CDH12: variants seen among roughly 807,000 people sequenced by gnomAD.
CDH12 encodes cadherin-12.
CDH12 carries 41 observed loss-of-function variants against 74.1 expected under a neutral mutation model. That is an observed-to-expected ratio of 0.55 (90% CI 0.43 to 0.72). The LOEUF is 0.72. Ranked by LOEUF, CDH12 falls within the 30% of genes least tolerant of loss-of-function variation. The probability of loss-of-function intolerance (pLI) is 0.00; values close to 1 mark genes in which losing one functional copy is unlikely to be tolerated. For synonymous variants in CDH12, 399 were observed against 355.0 expected (o/e 1.12, Z -1.39); for missense variants, 945 against 977.2 (o/e 0.97, Z 0.44).
Position 22,259,731 on chromosome 5 carries a change from C to T in CDH12, c.-332-47088G>A, listed in dbSNP as rs554431009. 1.7e-4 allele frequency among the ~76,000 whole-genome samples: 25 copies of T among 145,708 alleles called. 1 individual carries two copies. In the South Asian group the frequency reaches 4.1e-3, roughly 24 times the overall value. ...GAGGTAATTTAAGATATGCAAAGGA[C>T]TTTTTTTTTTTACTAGCACCAATAT... is the stretch of plus-strand genomic sequence containing the variant. On this transcript the variant is annotated intron_variant, in intron 3 of 14. Transcript: ENST00000382254.
intron 2 of CDH12, among the ~76,000 whole-genome samples, chr5:22,450,695 T>C (rs1745006735): frequency 6.6e-6 from 1 of 151,872 alleles, no homozygotes. Flanking sequence ...ACATTCAATG[T>C]TGTCTTTCCT....
intron 3 of CDH12, among the ~76,000 whole-genome samples, chr5:22,356,604 C>T: frequency 6.6e-6 from 1 of 152,032 alleles, no homozygotes; most frequent in South Asian, 2.1e-4. Context: ...CTGATGTATA[C>T]ATATGGAAGA....
intron 7 of CDH12, among the ~76,000 whole-genome samples, chr5:21,853,908 CGTT>C (rs1159502173): frequency 6.6e-6 from 1 of 151,532 alleles, no homozygotes; most frequent in Non-Finnish European, 1.5e-5. Flanking sequence ...AAATAACCAT[CGTT>C]GTGGGGTTTC....
intron 2 of CDH12, among the ~76,000 whole-genome samples, chr5:22,463,077 C>T (rs1745584158): frequency 6.6e-6 from 1 of 152,194 alleles, no homozygotes; most frequent in African/African-American, 2.4e-5. Context: ...CTATTAGGAA[C>T]ATATAATCAA....
intron 1 of CDH12, among the ~76,000 whole-genome samples, chr5:22,808,969 C>T (rs543060831): frequency 1.3e-5 from 2 of 151,534 alleles, no homozygotes; most frequent in South Asian, 2.1e-4. Flanking sequence ...GGTTGAGGGG[C>T]ATATGCAATG....
At chr5:22,048,581 A>G (rs950821944) in intron 5 of CDH12, among the ~76,000 whole-genome samples, 3 of 152,148 alleles carry the variant, frequency 2.0e-5, no homozygotes, top group Admixed American at 2.0e-4. Flanking sequence ...GACACAGGAT[A>G]ATGCATTCAA....
At chr5:22,286,098 C>A (rs1047852145) in intron 3 of CDH12, among the ~76,000 whole-genome samples, 1 of 152,042 alleles carries the variant, frequency 6.6e-6, no homozygotes, top group African/African-American at 2.4e-5. Flanking sequence ...TAACTTATTT[C>A]TTATTGCCTC....
chr5:21,799,835 TGA>T lies in CDH12; in HGVS notation c.1256+2330_1256+2331del, dbSNP rs1377234012. Among the ~76,000 whole-genome samples the T allele has an allele frequency of 6.6e-5, 10 of 152,258 alleles. No individual in the cohort carries two copies. The East Asian group carries it at 1.9e-3, about 30-fold the overall frequency. Reference sequence around the variant, plus strand: ...GGGGTAGGGTCGCTCAGTGGAGCCCTGAGAGTGTGACCACTGCACATGAGTGA... The same window carrying T: ...GGGGTAGGGTCGCTCAGTGGAGCCCTGAGTGTGACCACTGCACATGAGTGA... On this transcript the variant is annotated intron_variant, in intron 10 of 14. Transcript: ENST00000382254.
At chr5:22,698,681 A>T (rs1345635363) in intron 1 of CDH12, among the ~76,000 whole-genome samples, 1 of 6,210 alleles carries the variant, frequency 1.6e-4, no homozygotes, top group Non-Finnish European at 3.0e-4. Flanking sequence ...CCCCAGATAT[A>T]TATATATATA....
chr5:22,821,901 C>T (rs1278093549), intron 1 of CDH12, among the ~76,000 whole-genome samples: 1 of 151,176 alleles, frequency 6.6e-6, no homozygotes, highest in Non-Finnish European at 1.5e-5. Context: ...CATATGGAAC[C>T]AAAAAAGAGC....
chr5:21,846,213 A>G (rs1303853422), intron 7 of CDH12, among the ~76,000 whole-genome samples: 2 of 152,132 alleles, frequency 1.3e-5, no homozygotes, highest in African/African-American at 4.8e-5. Context: ...TGGTCTGACC[A>G]ATCTTTTGTG....
chr5:21,878,756 GAAGAAAAGAAAGA>G (rs1291221460), intron 6 of CDH12, among the ~76,000 whole-genome samples: 3 of 125,186 alleles, frequency 2.4e-5, no homozygotes, highest in Non-Finnish European at 3.4e-5. Context: ...CCTGTTGAAA[GAAGAAAAGAAAGA>G]AAGAAAAGAA....
At chr5:22,228,313 A>T (rs980889446) in intron 3 of CDH12, among the ~76,000 whole-genome samples, 2 of 152,168 alleles carry the variant, frequency 1.3e-5, no homozygotes, top group Admixed American at 1.3e-4. Flanking sequence ...CCGTAGCAGC[A>T]TATGGTATGT....
rs1185130693 is a variant in CDH12, at chr5:22,521,507, T to C, written c.-522-16143A>G. Among the ~76,000 whole-genome samples the C allele has an allele frequency of 2.6e-5, 4 of 152,258 alleles. No homozygotes were observed. In the East Asian group the frequency reaches 7.7e-4, roughly 29 times the overall value. Reference sequence around the variant, plus strand: ...ACTTCCAGATAAGTAAAAAACCTAATCTACATATTCTATACCATGCTAAAA... The same window carrying C: ...ACTTCCAGATAAGTAAAAAACCTAACCTACATATTCTATACCATGCTAAAA... On this transcript the variant is annotated intron_variant, in intron 1 of 14. Coordinates refer to ENST00000382254, the MANE Select transcript of CDH12 (RefSeq NM_004061.5).
intron 7 of CDH12, among the ~76,000 whole-genome samples, chr5:21,843,949 A>G (rs1401643724): frequency 1.3e-5 from 2 of 152,138 alleles, no homozygotes; most frequent in South Asian, 2.1e-4. Context: ...TTCATTTTCA[A>G]TAAGAAAATT....
intron 4 of CDH12, among the ~76,000 whole-genome samples, chr5:22,153,903 T>C (rs188689956): frequency 0.091 from 10,102 of 110,536 alleles, 747 homozygotes; most frequent in African/African-American, 0.2. Flanking sequence ...TATATATATA[T>C]ACACACACAT....
chr5:22,703,049 C>A (rs1742802605), intron 1 of CDH12, among the ~76,000 whole-genome samples: 2 of 152,124 alleles, frequency 1.3e-5, no homozygotes, highest in African/African-American at 4.8e-5. Flanking sequence ...GCTCATAAAT[C>A]TTTAGCAACA....
intron 5 of CDH12, among the ~76,000 whole-genome samples, chr5:22,021,211 C>A (rs1737951657): frequency 6.6e-6 from 1 of 152,114 alleles, no homozygotes; most frequent in Non-Finnish European, 1.5e-5. Flanking sequence ...TTGTGCATGA[C>A]ACAAAGTTTG....
intron 2 of CDH12, among the ~76,000 whole-genome samples, chr5:22,437,440 T>C (rs969441019): frequency 3.3e-5 from 5 of 151,686 alleles, no homozygotes; most frequent in Admixed American, 6.6e-5. Flanking sequence ...ATACAAAGTC[T>C]AGTCTTAGCG....
Sources: gnomAD v4.1 joint callset for allele counts (sites outside exome capture counted in the v4.1 genomes callset) on GRCh38, gnomAD v4.1.1 for gene constraint, MANE v1.5 for transcripts, NCBI Gene and HGNC (gene_info 2026-07-23, HGNC 2026-07-21) for gene names.